The following RIMS2 variants were observed in gnomAD, a reference collection of about 807,000 sequenced individuals.
RIMS2 encodes the protein regulating synaptic membrane exocytosis protein 2.
A neutral mutation model predicts 174.4 loss-of-function variants in RIMS2; 59 were observed. The observed-to-expected ratio is 0.34, with a 90% CI of 0.27 to 0.42. The LOEUF (loss-of-function observed/expected upper bound fraction) is 0.42. Ranked by LOEUF, RIMS2 falls within the 10% of genes least tolerant of loss-of-function variation. RIMS2 has a pLI of 1.00. For synonymous variants in RIMS2, 606 were observed against 572.5 expected, an observed-to-expected ratio of 1.06 and a Z score of -0.84; for missense variants, 1,620 against 1,666.3, an observed-to-expected ratio of 0.97 and a Z score of 0.48.
intron 1 of RIMS2, among the ~76,000 whole-genome samples, chr8:103,557,246 T>C (rs1416431584): frequency 1.3e-5 from 2 of 152,182 alleles, no homozygotes; most frequent in Non-Finnish European, 2.9e-5. Context: ...TAATCTCCAT[T>C]CTGTCTCCTG....
At chr8:103,875,089 C>A (rs1289246283) in intron 3 of RIMS2, among the ~76,000 whole-genome samples, 2 of 151,958 alleles carry the variant, frequency 1.3e-5, no homozygotes, top group Non-Finnish European at 2.9e-5. Context: ...AGATTTACTT[C>A]AAGAGCAGAA....
At chr8:103,563,670 G>A (rs987473737) in intron 1 of RIMS2, among the ~76,000 whole-genome samples, 1 of 152,022 alleles carries the variant, frequency 6.6e-6, no homozygotes, top group African/African-American at 2.4e-5. Context: ...TATCTTTTCA[G>A]TAGCACCCCA....
chr8:103,833,757 C>T (rs1404863906), intron 3 of RIMS2, among the ~76,000 whole-genome samples: 2 of 152,008 alleles, frequency 1.3e-5, no homozygotes, highest in Non-Finnish European at 2.9e-5. Flanking sequence ...TTTTGAGAAT[C>T]TTACCTTTAT....
At chr8:103,646,019 C>T (rs1204935128) in intron 1 of RIMS2, among the ~76,000 whole-genome samples, 1 of 151,684 alleles carries the variant, frequency 6.6e-6, no homozygotes, top group African/African-American at 2.4e-5. Flanking sequence ...AAATTACAGT[C>T]AAAGGGGGGT....
intron 1 of RIMS2, among the ~76,000 whole-genome samples, chr8:103,618,600 T>C (rs2134508070): frequency 6.6e-6 from 1 of 152,228 alleles, no homozygotes; most frequent in Admixed American, 6.5e-5. Context: ...TAACTATGAC[T>C]TTTGTCTATC....
chr8:103,672,970 G>A (rs2096763789), intron 1 of RIMS2, among the ~76,000 whole-genome samples: 1 of 152,158 alleles, frequency 6.6e-6, no homozygotes. Context: ...TAGGAATTGG[G>A]TAAACATTTT....
At chr8:104,173,663 C>T (rs1161012552) in intron 19 of RIMS2, among the ~76,000 whole-genome samples, 1 of 114,390 alleles carries the variant, frequency 8.7e-6, no homozygotes, top group East Asian at 2.6e-4. Context: ...GAGTCTCGCT[C>T]TGTCGCCCAG....
At chr8:103,608,985 G>T (rs1371825868) in intron 1 of RIMS2, among the ~76,000 whole-genome samples, 4 of 152,192 alleles carry the variant, frequency 2.6e-5, no homozygotes, top group Non-Finnish European at 5.9e-5. Context: ...GTAGACCGGA[G>T]CTGTTCCTAT....
chr8:103,840,907 C>T (rs1375665444), intron 3 of RIMS2, among the ~76,000 whole-genome samples: 1 of 151,998 alleles, frequency 6.6e-6, no homozygotes, highest in Non-Finnish European at 1.5e-5. Flanking sequence ...TGAACTTACT[C>T]GTATCAGAAA....
chr8:104,173,354 G>A (rs1031700875), intron 19 of RIMS2, among the ~76,000 whole-genome samples: 5 of 152,054 alleles, frequency 3.3e-5, no homozygotes, highest in Non-Finnish European at 5.9e-5. Flanking sequence ...AAAATGACAC[G>A]AGTAGGCAGT....
intron 19 of RIMS2, among the ~76,000 whole-genome samples, chr8:104,025,799 A>G (rs2096244550): frequency 1.1e-5 from 1 of 91,278 alleles, no homozygotes; most frequent in Non-Finnish European, 2.4e-5. Flanking sequence ...GTCTCATAAT[A>G]TTATCATACT....
At chr8:103,662,910 C>T (rs1205981343) in intron 1 of RIMS2, among the ~76,000 whole-genome samples, 1 of 152,178 alleles carries the variant, frequency 6.6e-6, no homozygotes, top group Non-Finnish European at 1.5e-5. Context: ...GTTGCTCACG[C>T]CTGTAATCCT....
At chr8:103,777,428 T>G (rs1018775200) in intron 3 of RIMS2, among the ~76,000 whole-genome samples, 1 of 151,900 alleles carries the variant, frequency 6.6e-6, no homozygotes, top group South Asian at 2.1e-4. Context: ...TGAAAAATGA[T>G]CATCAATAGA....
chr8:103,599,390 A>C (rs2094603944), intron 1 of RIMS2, among the ~76,000 whole-genome samples: 1 of 148,208 alleles, frequency 6.7e-6, no homozygotes, highest in South Asian at 2.1e-4. Context: ...TATTGTTTTT[A>C]TTATATATAA....
intron 19 of RIMS2, among the ~76,000 whole-genome samples, chr8:104,209,637 GC>G (rs780199027): frequency 6.6e-6 from 1 of 152,126 alleles, no homozygotes; most frequent in Non-Finnish European, 1.5e-5. Flanking sequence ...TAGAATATGA[GC>G]TTTAGGGGGC....
intron 3 of RIMS2, among the ~76,000 whole-genome samples, chr8:103,797,920 C>T (rs2154448618): frequency 6.6e-6 from 1 of 152,202 alleles, no homozygotes; most frequent in East Asian, 1.9e-4. Context: ...CCTTTTTACT[C>T]TCAAAAGTAT....
At chr8:103,706,659 G>A (rs1261435313) in intron 2 of RIMS2, among the ~76,000 whole-genome samples, 1 of 152,000 alleles carries the variant, frequency 6.6e-6, no homozygotes, top group East Asian at 1.9e-4. Flanking sequence ...TCTGCAGCCA[G>A]GTGTATTGGA....
rs192546497 is a variant in RIMS2, at chr8:103,564,855, A to G, written c.176+63793A>G. Among the ~76,000 whole-genome samples the G allele has an allele frequency of 1.3e-5, 2 of 152,270 alleles. 1 individual carries two copies. The highest frequency in any genetic ancestry group is 1.3e-4 in the Admixed American group (2 of 15,296). Reference sequence around the variant, plus strand: ...ACAATACTTTGCATCCTTCAATCCAATCAAGTTGACACTCAACCATCACGC... The same window carrying G: ...ACAATACTTTGCATCCTTCAATCCAGTCAAGTTGACACTCAACCATCACGC... On this transcript the variant is annotated intron_variant, in intron 1 of 23. Coordinates refer to ENST00000504942, the Ensembl canonical transcript of RIMS2.
chr8:104,084,927 T>C (rs1243733005), intron 19 of RIMS2, among the ~76,000 whole-genome samples: 1 of 152,196 alleles, frequency 6.6e-6, no homozygotes, highest in African/African-American at 2.4e-5. Context: ...CACCCATATC[T>C]TTCAGCTCTT....
Sources: gnomAD v4.1 joint callset for allele counts (sites outside exome capture counted in the v4.1 genomes callset) on GRCh38, gnomAD v4.1.1 for gene constraint, MANE v1.5 for transcripts, NCBI Gene and HGNC (gene_info 2026-07-23, HGNC 2026-07-21) for gene names.